The following SLC38A8 variants were observed in gnomAD, a reference collection of about 807,000 sequenced individuals.
SLC38A8 encodes solute carrier family 38 member 8, also known as amino acid transporter SLC38A8.
SLC38A8 carries 65 observed loss-of-function variants against 46.0 expected under a neutral mutation model. The ratio of observed to expected loss-of-function variants is 1.41; its 90% confidence interval spans 1.16 to 1.74. SLC38A8 has a LOEUF of 1.74. Among genes scored for constraint, SLC38A8 ranks in the 40% most tolerant of loss-of-function variants. SLC38A8 has a pLI of 0.00. For synonymous variants in SLC38A8, 447 were observed against 243.7 expected (o/e 1.83, Z -7.77); for missense variants, 998 against 567.9 (o/e 1.76, Z -7.70).
chr16:84,014,497 T>C (rs996645247), intron 9 of SLC38A8, among the ~76,000 whole-genome samples: 8 of 151,128 alleles, frequency 5.3e-5, no homozygotes, highest in African/African-American at 1.7e-4. Context: ...CCCTCACCTG[T>C]GAAAGCGCCA....
At chr16:84,031,521 C>G (rs1597270942) in intron 5 of SLC38A8, among the ~76,000 whole-genome samples, 1 of 152,196 alleles carries the variant, frequency 6.6e-6, no homozygotes. Context: ...CCGGCCTCCT[C>G]ACTGTTCCCC....
intron 3 of SLC38A8, among the ~76,000 whole-genome samples, chr16:84,034,762 G>A (rs139025786): frequency 6.6e-6 from 1 of 152,256 alleles, no homozygotes; most frequent in Non-Finnish European, 1.5e-5. Flanking sequence ...CATGCCCCAG[G>A]ACTGCACCGA....
At chr16:84,043,315 CTG>C (rs2085387434), upstream of SLC38A8, among the ~76,000 whole-genome samples, 1 of 152,232 alleles carries the variant, frequency 6.6e-6, no homozygotes, top group African/African-American at 2.4e-5. Context: ...CCGGAAAATG[CTG>C]GCACATGCAG....
chr16:84,041,534 A>C lies in SLC38A8; in HGVS notation c.189+435T>G, dbSNP rs1202816959. ...CACCATATGGGCCAGGCTGGTCTCAAACTCCTGACCTCAGGTGATCCGTCC... is the reference window on the plus strand; with the variant it reads ...CACCATATGGGCCAGGCTGGTCTCACACTCCTGACCTCAGGTGATCCGTCC... On this transcript the variant is annotated intron_variant, in intron 2 of 10. Transcript: ENST00000299709. Among the ~76,000 whole-genome samples, 4 of 152,184 alleles carry C rather than the reference A, an allele frequency of 2.6e-5. No individual in the cohort carries two copies. In the East Asian group the frequency reaches 7.7e-4, roughly 29 times the overall value.
At chr16:84,038,471 G>A (rs1253132769) in intron 2 of SLC38A8, among the ~76,000 whole-genome samples, 1 of 152,118 alleles carries the variant, frequency 6.6e-6, no homozygotes, top group East Asian at 1.9e-4. Flanking sequence ...CATCTTAATG[G>A]ATCAGCATTT....
chr16:84,013,181 G>T (rs928123886), intron 9 of SLC38A8, 129 bp from the exon 10 acceptor site: 8 of 954,548 alleles, frequency 8.4e-6, no homozygotes, highest in Non-Finnish European at 1.3e-5. Context: ...CCTGGCTCAG[G>T]CCCCCTGGAG....
rs922023184 is a variant in SLC38A8, at chr16:84,021,879, C to T, written c.805+896G>A. Among the ~76,000 whole-genome samples the T allele has an allele frequency of 2.8e-4, 42 of 152,334 alleles. 1 individual carries two copies. Among genetic ancestry groups the T allele is most frequent in the Middle Eastern group, 3.4e-3 (1 of 294 alleles). On this transcript the variant is annotated intron_variant, in intron 7 of 10. Coordinates refer to ENST00000299709, the MANE Select transcript of SLC38A8 (RefSeq NM_001080442.3). ...TCTTGCCGGAGGGGACTTTGCAGAGCCCTGAAGTGGCGCGCAGAGTGTCAC... is the reference window on the plus strand; with the variant it reads ...TCTTGCCGGAGGGGACTTTGCAGAGTCCTGAAGTGGCGCGCAGAGTGTCAC...
chr16:84,016,966 C>T (rs1015557955), intron 8 of SLC38A8, among the ~76,000 whole-genome samples, 174 bp downstream of exon 8: 3 of 152,204 alleles, frequency 2.0e-5, no homozygotes, highest in Admixed American at 1.3e-4. Flanking sequence ...TGGACACACA[C>T]TCACGGAGTG....
chr16:84,019,672 G>T (rs9938437), intron 7 of SLC38A8, among the ~76,000 whole-genome samples: 35,357 of 152,056 alleles, frequency 0.23, 6,006 homozygotes, highest in African/African-American at 0.48. Context: ...GTCTTCATTC[G>T]CTCCAGCACC....
chr16:84,039,466 C>A (rs539606344), intron 2 of SLC38A8, among the ~76,000 whole-genome samples: 2 of 152,192 alleles, frequency 1.3e-5, no homozygotes, highest in South Asian at 2.1e-4. Context: ...GCAGGGGGGC[C>A]GGGTACGGTG....
chr16:84,017,291 A>C lies in SLC38A8; in HGVS notation c.806-4T>G. 1 of 1,613,992 alleles carries C rather than the reference A, an allele frequency of 6.2e-7. No homozygotes were observed. Among genetic ancestry groups the C allele is most frequent in the Non-Finnish European group, 8.5e-7 (1 of 1,180,016 alleles). On this transcript the variant is annotated splice_polypyrimidine_tract_variant and splice_region_variant and intron_variant, in intron 7 of 10. Coordinates refer to ENST00000299709, the MANE Select transcript of SLC38A8 (RefSeq NM_001080442.3). The stretch of plus-strand genomic sequence containing the variant: ...AAAGTCAGGAAGCCATAAACCCCTG[A>C]AGGTGGGAAAGGATGGAAGCCACAG...
chr16:84,035,078 A>T (rs1597276073), intron 3 of SLC38A8, among the ~76,000 whole-genome samples: 1 of 152,232 alleles, frequency 6.6e-6, no homozygotes, highest in Non-Finnish European at 1.5e-5. Flanking sequence ...TCTCTCCACC[A>T]CAGTCAATCA....
At chr16:84,042,267 C>T in intron 1 of SLC38A8, 108 bp from the exon 2 acceptor site, 1 of 1,195,214 alleles carries the variant, frequency 8.4e-7, no homozygotes, top group Non-Finnish European at 1.1e-6. Context: ...CCCTGAGCCG[C>T]TCCTGCCCGC....
At chr16:84,025,031 A>G (rs1010467465) in intron 6 of SLC38A8, among the ~76,000 whole-genome samples, 1 of 152,252 alleles carries the variant, frequency 6.6e-6, no homozygotes, top group Admixed American at 6.5e-5. Flanking sequence ...AGAGCCCATG[A>G]GTCATGTGAA....
rs139231755 is a variant in SLC38A8, at chr16:84,029,532, C to G, written c.652G>C (p.Val218Leu). The change falls in exon 6 of 11, where the codon GTG becomes CTG. Residue 218 changes from valine (V) to leucine (L), a missense_variant. Physicochemically the swap from Val to Leu is conservative, Grantham distance 32. Transcript: ENST00000299709. ...PSLSPASWTSVFSVFPTICFG... is the reference protein window; with the variant it reads ...PSLSPASWTSLFSVFPTICFG... ...CAGATGGTGGGGAAGACACTGAACA[C>G]AGAGGTCCAGGAGGCAGGGCTGTAA... 5 of 1,613,972 alleles carry G rather than the reference C, an allele frequency of 3.1e-6. No individual in the cohort carries two copies. The highest frequency in any genetic ancestry group is 4.2e-6 in the Non-Finnish European group (5 of 1,180,006).
rs2084935557 is a variant in SLC38A8, at chr16:84,009,971, T to C, written c.1215-94A>G. On this transcript the variant is annotated intron_variant, in intron 10 of 10. Transcript: ENST00000299709. ...AAAATTCACTATGTAGAGCCCAGTATGGAGTCATCAATTTGGAAAAAAGAA... is the reference window on the plus strand; with the variant it reads ...AAAATTCACTATGTAGAGCCCAGTACGGAGTCATCAATTTGGAAAAAAGAA... 8.3e-6 allele frequency: 8 copies of C among 963,226 alleles called. No individual in the cohort carries two copies. In the African/African-American group the frequency reaches 8.4e-5, roughly 10 times the overall value. 59.7% of individuals were successfully genotyped at this position (963,226 alleles called of 1,614,324 possible).
chr16:84,017,030 G>A, intron 8 of SLC38A8, 110 bp downstream of exon 8: 5 of 1,414,586 alleles, frequency 3.5e-6, no homozygotes, highest in Non-Finnish European at 4.8e-6. Context: ...GTCTACAATT[G>A]GAGAGGATGG....
At chr16:84,031,642 C>T (rs1475026647) in intron 5 of SLC38A8, among the ~76,000 whole-genome samples, 1 of 152,238 alleles carries the variant, frequency 6.6e-6, no homozygotes, top group African/African-American at 2.4e-5. Context: ...GGCGGTTCTG[C>T]GTCCCTTGGC....
At chr16:84,028,462 G>A (rs1294079316) in intron 6 of SLC38A8, among the ~76,000 whole-genome samples, 1 of 151,670 alleles carries the variant, frequency 6.6e-6, no homozygotes, top group Admixed American at 6.6e-5. Context: ...GTGCACGCCT[G>A]TAGTCCCAGC....
Sources: allele counts gnomAD v4.1 joint callset (sites outside exome capture counted in the v4.1 genomes callset), GRCh38; gene constraint gnomAD v4.1.1; transcripts MANE v1.5; gene names NCBI Gene and HGNC (gene_info 2026-07-23, HGNC 2026-07-21).